CFAP299: variants seen among roughly 807,000 people sequenced by gnomAD.
CFAP299 encodes cilia and flagella associated protein 299.
In CFAP299, 21 loss-of-function variants were observed where a neutral mutation model predicts 27.0. That is an observed-to-expected ratio of 0.78 (90% confidence interval 0.55 to 1.12). The LOEUF is 1.12. Among genes scored for constraint, CFAP299 ranks in the 50% most tolerant of loss-of-function variants. The probability of loss-of-function intolerance (pLI) is 0.00; values close to 1 mark genes in which losing one functional copy is unlikely to be tolerated. For missense variants in CFAP299, 310 were observed against 276.6 expected (o/e 1.12, Z -0.86); for synonymous variants, 104 against 98.1 (o/e 1.06, Z -0.36).
intron 4 of CFAP299, chr4:80,870,418 G>T: frequency 9.4e-7 from 1 of 1,063,334 alleles, no homozygotes; most frequent in Non-Finnish European, 1.1e-6. Context: ...ACCTCATGAG[G>T]CTTTTGCAGC....
intron 4 of CFAP299, among the ~76,000 whole-genome samples, chr4:80,916,794 A>G (rs1374639618): frequency 6.6e-6 from 1 of 152,146 alleles, no homozygotes; most frequent in African/African-American, 2.4e-5. Flanking sequence ...GCCAGTTACA[A>G]TTTGATTTAA....
chr4:80,449,665 A>C (rs1475624443), intron 2 of CFAP299, among the ~76,000 whole-genome samples: 1 of 151,654 alleles, frequency 6.6e-6, no homozygotes, highest in East Asian at 1.9e-4. Context: ...ATAATGAATA[A>C]TTTATTAATA....
chr4:80,928,204 C>T (rs1172214115), intron 4 of CFAP299, among the ~76,000 whole-genome samples: 2 of 152,102 alleles, frequency 1.3e-5, no homozygotes, highest in South Asian at 2.1e-4. Context: ...TTTAGCTGCA[C>T]GTCTCTTTTT....
chr4:80,367,669 A>T (rs905691906), intron 2 of CFAP299, among the ~76,000 whole-genome samples: 6 of 152,096 alleles, frequency 3.9e-5, no homozygotes, highest in African/African-American at 1.4e-4. Flanking sequence ...CTCCACTATT[A>T]TATAAACATC....
intron 3 of CFAP299, among the ~76,000 whole-genome samples, chr4:80,727,370 C>A (rs11729964): frequency 0.2 from 30,636 of 151,818 alleles, 3,692 homozygotes; most frequent in East Asian, 0.34. Context: ...TTTAACTGGT[C>A]TGTACTTCAC....
At chr4:80,862,460 C>T (rs1347502316) in intron 3 of CFAP299, among the ~76,000 whole-genome samples, 1 of 151,952 alleles carries the variant, frequency 6.6e-6, no homozygotes, top group South Asian at 2.1e-4. Context: ...ACAATGATTC[C>T]CCCTGAGAAA....
At chr4:80,881,976 G>A (rs558007393) in intron 4 of CFAP299, among the ~76,000 whole-genome samples, 1 of 152,066 alleles carries the variant, frequency 6.6e-6, no homozygotes, top group East Asian at 1.9e-4. Flanking sequence ...ATTTACTAGA[G>A]GCCTCAACAG....
intron 5 of CFAP299, among the ~76,000 whole-genome samples, chr4:80,960,419 TA>T (rs1474857336): frequency 6.6e-6 from 1 of 151,912 alleles, no homozygotes; most frequent in East Asian, 1.9e-4. Context: ...TAACTATTTT[TA>T]AAGTTCTCAA....
At chr4:80,488,401 A>G (rs1306518711) in intron 2 of CFAP299, among the ~76,000 whole-genome samples, 3 of 152,226 alleles carry the variant, frequency 2.0e-5, no homozygotes, top group Non-Finnish European at 2.9e-5. Flanking sequence ...TGATTATTCA[A>G]TATTTCATAC....
chr4:80,513,137 C>A (rs1578538011), intron 2 of CFAP299, among the ~76,000 whole-genome samples: 1 of 152,236 alleles, frequency 6.6e-6, no homozygotes, highest in East Asian at 1.9e-4. Flanking sequence ...TCAGTTATCC[C>A]AGTATAATAA....
chr4:80,626,134 T>C (rs1738887024), intron 3 of CFAP299, among the ~76,000 whole-genome samples: 1 of 151,978 alleles, frequency 6.6e-6, no homozygotes, highest in South Asian at 2.1e-4. Context: ...ATAGATTATA[T>C]GTTAGGCCAC....
intron 4 of CFAP299, 73 bp from the exon 5 acceptor site, chr4:80,944,737 A>G: frequency 8.6e-7 from 1 of 1,160,202 alleles, no homozygotes; most frequent in Non-Finnish European, 1.2e-6. Context: ...ACTTCCCCAA[A>G]TAGTTCTTAA....
At chr4:80,672,045 A>G (rs1741517229) in intron 3 of CFAP299, among the ~76,000 whole-genome samples, 1 of 152,138 alleles carries the variant, frequency 6.6e-6, no homozygotes, top group Non-Finnish European at 1.5e-5. Context: ...ATTATGTTGA[A>G]TAGGAGTGGT....
chr4:80,372,160 C>A (rs1048875858), intron 2 of CFAP299, among the ~76,000 whole-genome samples: 2 of 152,188 alleles, frequency 1.3e-5, no homozygotes, highest in African/African-American at 4.8e-5. Context: ...GGGAAGCCAG[C>A]ATTTCACACA....
At chr4:80,692,064 A>T (rs1260226379) in intron 3 of CFAP299, among the ~76,000 whole-genome samples, 2 of 152,252 alleles carry the variant, frequency 1.3e-5, no homozygotes, top group Non-Finnish European at 2.9e-5. Flanking sequence ...CAAATGGAAG[A>T]GCATTCTATG....
intron 4 of CFAP299, among the ~76,000 whole-genome samples, chr4:80,901,296 A>G (rs1224945856): frequency 6.6e-6 from 1 of 152,142 alleles, no homozygotes; most frequent in Non-Finnish European, 1.5e-5. Context: ...AGCTATTTTA[A>G]TTTTCAAAAT....
chr4:80,774,733 G>A (rs1726426250), intron 3 of CFAP299, among the ~76,000 whole-genome samples: 1 of 151,966 alleles, frequency 6.6e-6, no homozygotes, highest in Non-Finnish European at 1.5e-5. Context: ...TCACATACAT[G>A]GATGATGCCA....
At chr4:80,620,744 G>A (rs1487379710) in intron 3 of CFAP299, among the ~76,000 whole-genome samples, 1 of 152,088 alleles carries the variant, frequency 6.6e-6, no homozygotes, top group Non-Finnish European at 1.5e-5. Context: ...CCTACAGAAA[G>A]TCAACAGAAC....
intron 2 of CFAP299, among the ~76,000 whole-genome samples, chr4:80,493,494 A>G (rs149875248): frequency 1.4e-3 from 214 of 152,264 alleles, no homozygotes; most frequent in Non-Finnish European, 2.2e-3. Context: ...GGAATGAGTT[A>G]GGGTGGAGCA....
Sources: allele counts gnomAD v4.1 joint callset (sites outside exome capture counted in the v4.1 genomes callset), GRCh38; gene constraint gnomAD v4.1.1; transcripts MANE v1.5; gene names NCBI Gene and HGNC (gene_info 2026-07-23, HGNC 2026-07-21).